Variants in RNF220 observed in about 807,000 individuals in gnomAD.
RNF220 encodes E3 ubiquitin-protein ligase RNF220.
RNF220 carries 7 observed loss-of-function variants against 67.1 expected under a neutral mutation model. The ratio of observed to expected loss-of-function variants is 0.10; its 90% CI spans 0.06 to 0.20. RNF220 has a LOEUF of 0.20. RNF220 is among the 10% of genes least tolerant of loss of function. The pLI, the probability that RNF220 is intolerant of heterozygous loss-of-function variation, is 1.00. For missense variants in RNF220, 565 were observed against 740.3 expected (o/e 0.76, Z 2.75); for synonymous variants, 270 against 283.2 (o/e 0.95, Z 0.47).
intron 2 of RNF220, among the ~76,000 whole-genome samples, chr1:44,598,838 T>G (rs1666723888): frequency 6.6e-6 from 1 of 152,150 alleles, no homozygotes; most frequent in South Asian, 2.1e-4. Flanking sequence ...TTGACACCCT[T>G]AGGGCCTCTG....
chr1:44,597,968 C>T (rs1666647835), intron 2 of RNF220, among the ~76,000 whole-genome samples: 1 of 147,874 alleles, frequency 6.8e-6, no homozygotes, highest in South Asian at 2.1e-4. Context: ...CCACCCACCT[C>T]TCTCTCTCTC....
chr1:44,418,702 C>G (rs1407004034), intron 2 of RNF220, among the ~76,000 whole-genome samples: 1 of 151,882 alleles, frequency 6.6e-6, no homozygotes, highest in Non-Finnish European at 1.5e-5. Flanking sequence ...CCTCCCCACC[C>G]CCTTTCCTCA....
intron 2 of RNF220, among the ~76,000 whole-genome samples, chr1:44,578,989 C>T (rs1216090840): frequency 2.6e-5 from 4 of 151,760 alleles, no homozygotes; most frequent in Non-Finnish European, 4.4e-5. Context: ...TACAGCGAAA[C>T]CCCAACTCTA....
intron 2 of RNF220, among the ~76,000 whole-genome samples, chr1:44,488,581 C>A (rs1192534458): frequency 6.6e-6 from 1 of 152,192 alleles, no homozygotes; most frequent in Non-Finnish European, 1.5e-5. Context: ...TCCCGAAGTG[C>A]TGAGATTGCA....
At chr1:44,539,454 C>T (rs997673397) in intron 2 of RNF220, among the ~76,000 whole-genome samples, 1 of 152,284 alleles carries the variant, frequency 6.6e-6, no homozygotes, top group East Asian at 1.9e-4. Flanking sequence ...AGCCACTCTA[C>T]GTGCCATGCA....
intron 2 of RNF220, among the ~76,000 whole-genome samples, chr1:44,531,755 A>G (rs958417692): frequency 2.0e-5 from 3 of 152,194 alleles, no homozygotes; most frequent in Non-Finnish European, 2.9e-5. Context: ...AATTCCCTCC[A>G]TTAGGACCAA....
intron 2 of RNF220, among the ~76,000 whole-genome samples, chr1:44,566,517 T>A (rs1480741480): frequency 7.4e-6 from 1 of 134,694 alleles, no homozygotes; most frequent in Admixed American, 7.3e-5. Flanking sequence ...GCCCTCCCCG[T>A]CAAGGCTGCC....
At chr1:44,635,713 C>A in intron 7 of RNF220, 125 bp downstream of exon 7, 1 of 1,530,208 alleles carries the variant, frequency 6.5e-7, no homozygotes, top group Non-Finnish European at 8.8e-7. Context: ...TCCCTTCCCC[C>A]GACACTAGCT....
rs1648123849 is a variant in RNF220 at position 44,412,944 on chromosome 1, C to G, written c.625+222C>G. On this transcript the variant is annotated intron_variant, in intron 2 of 14. Coordinates refer to ENST00000361799, the MANE Select transcript of RNF220 (RefSeq NM_018150.4). The surrounding 1 kb of genome is among the most constrained non-coding windows in gnomAD (Gnocchi z 5.3). Reference sequence around the variant, plus strand: ...GTAGCCAGAGGCAAGTTGGCCCCAGCACAGCCTTTCTCTCCGGACCCTAGT... The same window carrying G: ...GTAGCCAGAGGCAAGTTGGCCCCAGGACAGCCTTTCTCTCCGGACCCTAGT... 6.6e-6 allele frequency among the ~76,000 whole-genome samples: 1 copy of G among 152,160 alleles called. No individual in the cohort carries two copies. The highest frequency in any genetic ancestry group is 1.5e-5 in the Non-Finnish European group (1 of 68,034).
chr1:44,556,074 G>A (rs1215182407), intron 2 of RNF220, among the ~76,000 whole-genome samples: 4 of 148,400 alleles, frequency 2.7e-5, no homozygotes, highest in Admixed American at 6.7e-5. Context: ...TCTCTGTGTC[G>A]CCCAGGCTGG....
At chr1:44,557,679 T>C (rs916176349) in intron 2 of RNF220, among the ~76,000 whole-genome samples, 2 of 152,194 alleles carry the variant, frequency 1.3e-5, no homozygotes, top group Admixed American at 1.3e-4. Flanking sequence ...AGACCCACCA[T>C]TTGGGAGAAT....
chr1:44,649,998 G>C lies in RNF220; in HGVS notation c.1629+41G>C. 6.3e-7 allele frequency: 1 copy of C among 1,595,932 alleles called. No individual in the cohort carries two copies. Among genetic ancestry groups the C allele is most frequent in the South Asian group, 1.1e-5 (1 of 90,334 alleles). On this transcript the variant is annotated intron_variant, in intron 14 of 14. Transcript: ENST00000361799. This position sits in a 1 kb window ranked among gnomAD's most constrained non-coding sequence, Gnocchi z 5.9. ...GGTCGGGGAATGGGAGGCCGCTCCG[G>C]GCACTGCCCAGATGTCTGTGCTTAT...
At chr1:44,534,989 C>T (rs532711591) in intron 2 of RNF220, among the ~76,000 whole-genome samples, 17 of 152,106 alleles carry the variant, frequency 1.1e-4, no homozygotes, top group Non-Finnish European at 2.1e-4. Flanking sequence ...TGTCCAGACT[C>T]GTTGTGACCA....
Position 44,412,756 on chromosome 1 carries a change from C to A in RNF220, c.625+34C>A. ...TTTGGTTCCAGCCCTCCCTTACCCCCAGTAAGCCCTGCCTCACCGTGATGT... is the reference window on the plus strand; with the variant it reads ...TTTGGTTCCAGCCCTCCCTTACCCCAAGTAAGCCCTGCCTCACCGTGATGT... On this transcript the variant is annotated intron_variant, in intron 2 of 14. Coordinates refer to ENST00000361799, the MANE Select transcript of RNF220 (RefSeq NM_018150.4). The surrounding 1 kb of genome is among the most constrained non-coding windows in gnomAD (Gnocchi z 5.3). The A allele has an allele frequency of 6.3e-7, 1 of 1,589,626 alleles. No homozygotes were observed. Among genetic ancestry groups the A allele is most frequent in the South Asian group, 1.2e-5 (1 of 86,954 alleles).
chr1:44,445,003 G>C (rs1651934032), intron 2 of RNF220, among the ~76,000 whole-genome samples: 1 of 152,084 alleles, frequency 6.6e-6, no homozygotes, highest in Admixed American at 6.6e-5. Flanking sequence ...AAGAATTTTT[G>C]TTGTTTCATG....
intron 2 of RNF220, among the ~76,000 whole-genome samples, chr1:44,455,272 G>GC (rs1170451039): frequency 6.6e-6 from 1 of 152,096 alleles, no homozygotes; most frequent in Middle Eastern, 3.2e-3. Context: ...AATGCCTCAA[G>GC]CACAAAATGC....
intron 2 of RNF220, among the ~76,000 whole-genome samples, chr1:44,502,577 G>A (rs1332775345): frequency 6.6e-6 from 1 of 152,100 alleles, no homozygotes; most frequent in Non-Finnish European, 1.5e-5. Context: ...GAGACACAGA[G>A]GAAATAAGAG....
At chr1:44,615,419 T>C (rs115266066) in intron 3 of RNF220, among the ~76,000 whole-genome samples, 76 of 152,222 alleles carry the variant, frequency 5.0e-4, no homozygotes, top group African/African-American at 1.6e-3. Flanking sequence ...ATGGAAGATA[T>C]GGTTGATGCT....
chr1:44,472,413 G>A (rs1654895189), intron 2 of RNF220, among the ~76,000 whole-genome samples: 2 of 152,082 alleles, frequency 1.3e-5, no homozygotes, highest in Admixed American at 6.6e-5. Flanking sequence ...TTTTGTTTGG[G>A]ATTTTAAAAA....
Sources: gnomAD v4.1 joint callset for allele counts (sites outside exome capture counted in the v4.1 genomes callset) on GRCh38, gnomAD v4.1.1 for gene constraint, Gnocchi (gnomAD v3.1) non-coding constraint, MANE v1.5 for transcripts, NCBI Gene and HGNC (gene_info 2026-07-23, HGNC 2026-07-21) for gene names.